The following CSMD1 variants were observed in gnomAD, a reference collection of about 807,000 sequenced individuals.
The protein encoded by CSMD1 is CUB and Sushi multiple domains 1, also known as CUB and sushi domain-containing protein 1.
CSMD1 carries 213 observed loss-of-function variants against 417.5 expected under a neutral mutation model. The observed-to-expected ratio is 0.51, with a 90% CI of 0.46 to 0.57. The LOEUF (loss-of-function observed/expected upper bound fraction) is 0.57, where lower values mean the gene tolerates loss of function less well. CSMD1 is among the 20% of genes least tolerant of loss of function. The pLI is 0.00. For missense variants in CSMD1, 6,923 were observed against 4,529.7 expected, an observed-to-expected ratio of 1.53 and a Z score of -15.17; for synonymous variants, 2,862 against 1,736.8, an observed-to-expected ratio of 1.65 and a Z score of -16.11.
At chr8:4,446,572 A>T (rs994629900) in intron 2 of CSMD1, among the ~76,000 whole-genome samples, 9 of 151,892 alleles carry the variant, frequency 5.9e-5, no homozygotes, top group African/African-American at 2.2e-4. Flanking sequence ...TGTTGTGGGG[A>T]AGATGGAGTC....
chr8:4,721,100 A>C (rs1809025781), intron 1 of CSMD1, among the ~76,000 whole-genome samples: 1 of 152,208 alleles, frequency 6.6e-6, no homozygotes. Context: ...AGGAAGTATG[A>C]AAAAGGCTTT....
chr8:3,265,231 T>G (rs1429023721), intron 26 of CSMD1, among the ~76,000 whole-genome samples: 1 of 151,550 alleles, frequency 6.6e-6, no homozygotes, highest in Admixed American at 6.6e-5. Context: ...AACGAAGAAA[T>G]AATGAAAAAA....
At chr8:4,041,989 G>C (rs1026010429) in intron 3 of CSMD1, among the ~76,000 whole-genome samples, 2 of 151,910 alleles carry the variant, frequency 1.3e-5, no homozygotes, top group South Asian at 2.1e-4. Context: ...AGATTTCCAA[G>C]CAAAAACAAA....
At chr8:4,512,590 T>C (rs1802881299) in intron 2 of CSMD1, among the ~76,000 whole-genome samples, 1 of 152,152 alleles carries the variant, frequency 6.6e-6, no homozygotes, top group African/African-American at 2.4e-5. Context: ...AGCAGGGTTG[T>C]AGGATACAAA....
chr8:4,018,738 G>A (rs554161453), intron 4 of CSMD1, among the ~76,000 whole-genome samples: 40 of 152,224 alleles, frequency 2.6e-4, no homozygotes, highest in South Asian at 1.0e-3. Flanking sequence ...AGAAGAGAAC[G>A]GACAGCATGT....
intron 1 of CSMD1, among the ~76,000 whole-genome samples, chr8:4,971,464 G>A (rs1238098284): frequency 1.3e-5 from 2 of 151,906 alleles, no homozygotes; most frequent in African/African-American, 2.4e-5. Context: ...AGGAAAGCTG[G>A]CAGACAGGTG....
chr8:4,336,192 A>C (rs1286549982), intron 3 of CSMD1, among the ~76,000 whole-genome samples: 1 of 152,070 alleles, frequency 6.6e-6, no homozygotes, highest in Non-Finnish European at 1.5e-5. Context: ...GCGCTGGTTG[A>C]CTCAGGGAAT....
chr8:4,198,949 T>C (rs1036880912), intron 3 of CSMD1, among the ~76,000 whole-genome samples: 6 of 133,758 alleles, frequency 4.5e-5, no homozygotes, highest in African/African-American at 1.0e-4. Flanking sequence ...TGTGTATTTA[T>C]CTTTTTTTAA....
At chr8:3,581,132 T>G (rs2116973037) in intron 9 of CSMD1, among the ~76,000 whole-genome samples, 1 of 152,244 alleles carries the variant, frequency 6.6e-6, no homozygotes, top group South Asian at 2.1e-4. Context: ...GTTCTCTACA[T>G]AAATCGCCCC....
chr8:4,536,100 T>G lies in CSMD1; in HGVS notation c.302+101242A>C, dbSNP rs144656062. On this transcript the variant is annotated intron_variant, in intron 2 of 69. Transcript: ENST00000635120. ...GCCCCACTAAGTCAGTAAATCTGAT[T>G]ACCATGTTCAAGATTCACTTGACAA... 7.0e-4 allele frequency among the ~76,000 whole-genome samples: 106 copies of G among 152,334 alleles called. No homozygotes were observed. In the East Asian group the frequency reaches 0.018, roughly 26 times the overall value.
rs185006901 is a variant in CSMD1, at chr8:4,116,844, G to A, written c.416-84745C>T. 6.6e-5 allele frequency among the ~76,000 whole-genome samples: 10 copies of A among 151,846 alleles called. 1 individual carries two copies. The highest frequency in any genetic ancestry group is 1.3e-4 in the Admixed American group (2 of 15,144). On this transcript the variant is annotated intron_variant, in intron 3 of 69. Coordinates refer to ENST00000635120, the MANE Select transcript of CSMD1 (RefSeq NM_033225.6). ...AGGGTCTATTAAAAAAAAACAAAAAGCACCTGGCATTTACTGTACAATGTG... is the reference window on the plus strand; with the variant it reads ...AGGGTCTATTAAAAAAAAACAAAAAACACCTGGCATTTACTGTACAATGTG...
rs572317539 is a variant in CSMD1, at chr8:4,059,598, T to C, written c.416-27499A>G. Among the ~76,000 whole-genome samples, 26 of 151,988 alleles carry C rather than the reference T, an allele frequency of 1.7e-4. No individual in the cohort carries two copies. In the East Asian group the frequency reaches 3.9e-3, roughly 23 times the overall value. ...AGAATCAAATAGATGCAATAAAAAA[T>C]GATAAAGGGGATATCACCACCGATC... On this transcript the variant is annotated intron_variant, in intron 3 of 69. Coordinates refer to ENST00000635120, the MANE Select transcript of CSMD1 (RefSeq NM_033225.6).
intron 3 of CSMD1, among the ~76,000 whole-genome samples, chr8:4,296,142 T>A (rs1283013623): frequency 6.6e-6 from 1 of 151,906 alleles, no homozygotes; most frequent in African/African-American, 2.4e-5. Context: ...GAAGCGAAAA[T>A]GGAAGGTGTG....
intron 6 of CSMD1, among the ~76,000 whole-genome samples, chr8:3,721,657 C>T (rs921455808): frequency 6.6e-6 from 1 of 152,136 alleles, no homozygotes; most frequent in South Asian, 2.1e-4. Context: ...TTGCTGTTTT[C>T]CTCCTCATGG....
intron 18 of CSMD1, among the ~76,000 whole-genome samples, chr8:3,383,990 A>G (rs1265310848): frequency 1.3e-5 from 2 of 152,148 alleles, no homozygotes; most frequent in Non-Finnish European, 2.9e-5. Context: ...TCCCTGGATA[A>G]TTTCATTTAT....
intron 3 of CSMD1, among the ~76,000 whole-genome samples, chr8:4,075,319 C>G (rs558980139): frequency 1.3e-5 from 2 of 151,814 alleles, no homozygotes; most frequent in Non-Finnish European, 2.9e-5. Flanking sequence ...ACATAAATAC[C>G]TTCACCTAAG....
rs568252051 is a variant in CSMD1, at chr8:3,403,948, G to A, written c.2266+2079C>T. ...AAATTTCAGCTATTAAGAGGGTTTT[G>A]TTGCCCTTCTATTTATCAATATTTC... is the stretch of plus-strand genomic sequence containing the variant. On this transcript the variant is annotated intron_variant, in intron 15 of 69. Transcript: ENST00000635120. Among the ~76,000 whole-genome samples the A allele has an allele frequency of 6.8e-4, 104 of 152,236 alleles. 2 individuals are homozygous for A. The South Asian group carries it at 0.022, about 32-fold the overall frequency.
intron 3 of CSMD1, among the ~76,000 whole-genome samples, chr8:4,230,739 A>C (rs1339150164): frequency 2.6e-5 from 4 of 152,270 alleles, no homozygotes; most frequent in African/African-American, 9.6e-5. Context: ...AACCGATTAC[A>C]AGCTATTGAA....
At chr8:4,445,949 G>A (rs17414897) in intron 2 of CSMD1, among the ~76,000 whole-genome samples, 10 of 152,028 alleles carry the variant, frequency 6.6e-5, no homozygotes, top group African/African-American at 2.2e-4. Context: ...AAAGTATTTC[G>A]GTGTTGAGGT....
Sources: gnomAD v4.1 joint callset for allele counts (sites outside exome capture counted in the v4.1 genomes callset) on GRCh38, gnomAD v4.1.1 for gene constraint, MANE v1.5 for transcripts, NCBI Gene and HGNC (gene_info 2026-07-23, HGNC 2026-07-21) for gene names.